UBAC2: variants seen among roughly 807,000 people sequenced by gnomAD.
UBAC2 encodes UBA domain containing 2.
UBAC2 carries 26 observed loss-of-function variants against 44.0 expected under a neutral mutation model. That is an observed-to-expected ratio of 0.59 (90% CI 0.43 to 0.82). The LOEUF is 0.82. UBAC2 is among the 40% of genes least tolerant of loss of function. The pLI is 0.00. For synonymous variants in UBAC2, 155 were observed against 154.3 expected (o/e 1.00, Z -0.04); for missense variants, 329 against 419.4 (o/e 0.78, Z 1.88).
chr13:99,236,714 G>A (rs2043236993), intron 1 of UBAC2, among the ~76,000 whole-genome samples: 2 of 152,306 alleles, frequency 1.3e-5, no homozygotes, highest in African/African-American at 4.8e-5. Context: ...GCTGGGCATG[G>A]TGGTGGGTGC....
intron 1 of UBAC2, among the ~76,000 whole-genome samples, chr13:99,204,986 C>T (rs186582015): frequency 5.4e-5 from 8 of 146,940 alleles, no homozygotes; most frequent in African/African-American, 1.7e-4. Flanking sequence ...TCACTGCAAC[C>T]TCTGCCTCCT....
chr13:99,351,452 A>T (rs746539150), intron 7 of UBAC2: 5 of 436,854 alleles, frequency 1.1e-5, no homozygotes, highest in Non-Finnish European at 2.3e-5. Flanking sequence ...TATCTTCCAA[A>T]CCTAAAATGT....
intron 4 of UBAC2, among the ~76,000 whole-genome samples, chr13:99,273,253 GT>G (rs1011121316): frequency 6.6e-6 from 1 of 151,974 alleles, no homozygotes; most frequent in African/African-American, 2.4e-5. Context: ...GTGTTCTAAG[GT>G]TGCCTAGTGA....
At chr13:99,380,493 T>G (rs1400904885) in intron 8 of UBAC2, among the ~76,000 whole-genome samples, 1 of 152,158 alleles carries the variant, frequency 6.6e-6, no homozygotes, top group Non-Finnish European at 1.5e-5. Flanking sequence ...GTTCTTACTG[T>G]CTATATGGTG....
chr13:99,208,556 AAC>A (rs2042901964), intron 1 of UBAC2, among the ~76,000 whole-genome samples: 2 of 152,232 alleles, frequency 1.3e-5, no homozygotes, highest in Admixed American at 6.5e-5. Context: ...TCAATATATT[AAC>A]ACTTCAGTCT....
intron 2 of UBAC2, 83 bp downstream of exon 2, chr13:99,238,637 T>G: frequency 9.9e-6 from 13 of 1,317,036 alleles, no homozygotes; most frequent in Non-Finnish European, 1.1e-5. Flanking sequence ...CTTCCTGCTG[T>G]TAGTCCCTCA....
At chr13:99,369,261 A>C (rs2045374070) in intron 8 of UBAC2, among the ~76,000 whole-genome samples, 1 of 152,178 alleles carries the variant, frequency 6.6e-6, no homozygotes, top group African/African-American at 2.4e-5. Flanking sequence ...CCTGACCTAT[A>C]ATTGTCGAAC....
chr13:99,276,846 G>A (rs2043889795), intron 4 of UBAC2, among the ~76,000 whole-genome samples: 1 of 152,182 alleles, frequency 6.6e-6, no homozygotes, highest in Non-Finnish European at 1.5e-5. Context: ...AAGATTTTTT[G>A]GGAGCCAAAC....
In UBAC2 at chr13:99,208,537, G is replaced by C. The variant is rs139555764; in HGVS notation, c.31+7598G>C. On this transcript the variant is annotated intron_variant, in intron 1 of 8. Coordinates refer to ENST00000403766, the MANE Select transcript of UBAC2 (RefSeq NM_001144072.2). ...TGTAGGCTCCATTTAAAAATTAAAAGTGTCCAGTTCAATATATTAACACTT... is the reference window on the plus strand; with the variant it reads ...TGTAGGCTCCATTTAAAAATTAAAACTGTCCAGTTCAATATATTAACACTT... Among the ~76,000 whole-genome samples the C allele has an allele frequency of 4.3e-3, 655 of 152,342 alleles. 2 individuals carry two copies. Among genetic ancestry groups the C allele is most frequent in the Middle Eastern group, 0.01 (3 of 294 alleles).
At chr13:99,241,826 G>A (rs1486382871) in intron 2 of UBAC2, among the ~76,000 whole-genome samples, 1 of 149,026 alleles carries the variant, frequency 6.7e-6, no homozygotes, top group Non-Finnish European at 1.5e-5. Context: ...TGGAGGGAAG[G>A]TCAGCAGATA....
intron 1 of UBAC2, among the ~76,000 whole-genome samples, chr13:99,226,382 C>T (rs2043109939): frequency 6.6e-6 from 1 of 152,176 alleles, no homozygotes; most frequent in Non-Finnish European, 1.5e-5. Context: ...AGTACCTTCA[C>T]AACATATCCC....
chr13:99,243,510 A>G (rs1320227662), intron 2 of UBAC2, among the ~76,000 whole-genome samples: 12 of 152,118 alleles, frequency 7.9e-5, no homozygotes. Context: ...CTTTCATTCT[A>G]GTTTACGTAT....
intron 7 of UBAC2, among the ~76,000 whole-genome samples, chr13:99,356,775 A>AT (rs1165478791): frequency 6.6e-6 from 1 of 152,192 alleles, no homozygotes; most frequent in Non-Finnish European, 1.5e-5. Context: ...TAAGGTTCCT[A>AT]TTTTTAAGAC....
intron 8 of UBAC2, among the ~76,000 whole-genome samples, chr13:99,384,983 T>A (rs2045601702): frequency 6.6e-6 from 1 of 152,378 alleles, no homozygotes; most frequent in South Asian, 2.1e-4. Context: ...TCAGAAGCCC[T>A]GTGTCCTTGT....
At chr13:99,254,591 G>T (rs2043506243) in intron 4 of UBAC2, 1 of 232,264 alleles carries the variant, frequency 4.3e-6, no homozygotes, top group South Asian at 1.1e-4. Context: ...TTGTATGGTA[G>T]CTCGATTTCC....
intron 4 of UBAC2, among the ~76,000 whole-genome samples, chr13:99,248,237 T>G (rs1203691442): frequency 6.6e-6 from 1 of 152,160 alleles, no homozygotes; most frequent in African/African-American, 2.4e-5. Context: ...TTATTTTATT[T>G]TTAGAAATGA....
chr13:99,312,606 A>T (rs2044426906), intron 4 of UBAC2, among the ~76,000 whole-genome samples: 1 of 152,160 alleles, frequency 6.6e-6, no homozygotes, highest in South Asian at 2.1e-4. Flanking sequence ...GCAGTGGTGA[A>T]ACTGACATAG....
At chr13:99,278,188 A>G (rs2043908223) in intron 4 of UBAC2, among the ~76,000 whole-genome samples, 1 of 152,222 alleles carries the variant, frequency 6.6e-6, no homozygotes, top group Admixed American at 6.5e-5. Flanking sequence ...ATTTAAAAGA[A>G]TCCATTATAG....
At chr13:99,201,839 A>G (rs1593985546) in intron 1 of UBAC2, among the ~76,000 whole-genome samples, 1 of 152,244 alleles carries the variant, frequency 6.6e-6, no homozygotes, top group East Asian at 1.9e-4. Flanking sequence ...TGGGAGGCCG[A>G]GGTGGGCGGA....
Sources: allele counts gnomAD v4.1 joint callset (sites outside exome capture counted in the v4.1 genomes callset), GRCh38; gene constraint gnomAD v4.1.1; transcripts MANE v1.5; gene names NCBI Gene and HGNC (gene_info 2026-07-23, HGNC 2026-07-21).